SHANK2: variants seen among roughly 807,000 people sequenced by gnomAD.
SHANK2 encodes the protein SH3 and multiple ankyrin repeat domains 2.
Under a neutral mutation model 133.7 loss-of-function variants are expected in SHANK2, and 43 were observed. That is an observed-to-expected ratio of 0.32 (90% confidence interval 0.25 to 0.41). SHANK2 has a LOEUF of 0.41. Ranked by LOEUF, SHANK2 falls within the 10% of genes least tolerant of loss-of-function variation. SHANK2 has a pLI of 1.00. For missense variants in SHANK2, 1,994 were observed against 2,235.8 expected (o/e 0.89, Z 2.18); for synonymous variants, 1,017 against 952.8 (o/e 1.07, Z -1.24).
At position 70,899,006 on chromosome 11, in the gene SHANK2, A is replaced by G. The variant is rs185726357; in HGVS notation, c.1108-2439T>C. On this transcript the variant is annotated intron_variant, in intron 10 of 25. Coordinates refer to ENST00000601538, the MANE Select transcript of SHANK2 (RefSeq NM_012309.5). ...TCACAAATGTGTGCTACTCTTCAGG[A>G]AGAAGGCAAAATAACCCTGAAAGGA... Among the ~76,000 whole-genome samples, 308 of 152,286 alleles carry G rather than the reference A, an allele frequency of 2.0e-3. 1 individual carries two copies. The highest frequency in any genetic ancestry group is 3.4e-3 in the Non-Finnish European group (234 of 68,006).
At chr11:70,891,238 G>A (rs1164327331) in intron 11 of SHANK2, among the ~76,000 whole-genome samples, 2 of 152,208 alleles carry the variant, frequency 1.3e-5, no homozygotes, top group African/African-American at 4.8e-5. Context: ...CCAGAGGCCG[G>A]GCACGGTGGC....
intron 2 of SHANK2, among the ~76,000 whole-genome samples, chr11:71,210,210 G>GTATATATATATATATA (rs71049962): frequency 2.0e-3 from 106 of 53,972 alleles, no homozygotes; most frequent in African/African-American, 2.7e-3. Flanking sequence ...AAATCCACAG[G>GTATATATATATATATA]TATATATATA....
chr11:71,172,197 G>A (rs1167781247), intron 2 of SHANK2, among the ~76,000 whole-genome samples: 3 of 152,168 alleles, frequency 2.0e-5, no homozygotes, highest in East Asian at 3.8e-4. Flanking sequence ...ACATGCCACC[G>A]TCCTGCCAGC....
chr11:70,702,031 A>G (rs1346040940), intron 14 of SHANK2, among the ~76,000 whole-genome samples: 1 of 151,488 alleles, frequency 6.6e-6, no homozygotes, highest in Non-Finnish European at 1.5e-5. Flanking sequence ...CATTACCATC[A>G]TCATCACCAC....
intron 10 of SHANK2, among the ~76,000 whole-genome samples, chr11:70,907,006 G>A (rs1222232355): frequency 5.3e-5 from 8 of 152,190 alleles, no homozygotes; most frequent in African/African-American, 1.9e-4. Context: ...TGGTTGCTCC[G>A]GGACTTTACA....
At chr11:70,926,550 G>A (rs576722125) in intron 10 of SHANK2, among the ~76,000 whole-genome samples, 59 of 152,252 alleles carry the variant, frequency 3.9e-4, no homozygotes, top group Middle Eastern at 6.8e-3. Context: ...TCTCGCACTT[G>A]GGAACCCCAG....
chr11:71,235,232 TAAG>T (rs1214491138), intron 1 of SHANK2, among the ~76,000 whole-genome samples: 2 of 152,098 alleles, frequency 1.3e-5, no homozygotes, highest in East Asian at 1.9e-4. Flanking sequence ...CACAGGTGTC[TAAG>T]AAGGTGGGAA....
chr11:70,864,110 T>C (rs1340225508), intron 11 of SHANK2: 1 of 288,278 alleles, frequency 3.5e-6, no homozygotes, highest in African/African-American at 2.2e-5. Context: ...ACACCTTGCT[T>C]TCTTCCTTGA....
At chr11:70,891,366 G>C (rs1283923035) in intron 11 of SHANK2, among the ~76,000 whole-genome samples, 1 of 152,136 alleles carries the variant, frequency 6.6e-6, no homozygotes, top group Non-Finnish European at 1.5e-5. Context: ...GCCGGGGGTG[G>C]TGGCGGGCGC....
intron 2 of SHANK2, among the ~76,000 whole-genome samples, chr11:71,162,731 T>C (rs1217209509): frequency 6.6e-6 from 1 of 152,118 alleles, no homozygotes; most frequent in East Asian, 1.9e-4. Flanking sequence ...GATTACTGCT[T>C]CAAAACAGGG....
chr11:70,692,626 C>G (rs928327257), intron 15 of SHANK2, among the ~76,000 whole-genome samples: 1 of 152,212 alleles, frequency 6.6e-6, no homozygotes, highest in Non-Finnish European at 1.5e-5. Flanking sequence ...GAGATTCTCT[C>G]TAGGGAGAAG....
intron 8 of SHANK2, among the ~76,000 whole-genome samples, chr11:71,088,605 A>G (rs1684647976): frequency 1.3e-5 from 2 of 152,188 alleles, no homozygotes; most frequent in South Asian, 4.1e-4. Flanking sequence ...GACTCGAGAA[A>G]GATGTGGGTG....
At chr11:70,889,016 A>G (rs571663163) in intron 11 of SHANK2, among the ~76,000 whole-genome samples, 63 of 152,264 alleles carry the variant, frequency 4.1e-4, no homozygotes, top group African/African-American at 1.4e-3. Context: ...TCATGAAGCA[A>G]TGTGAGTTCC....
rs117354814 is a variant in SHANK2, at chr11:70,616,116, T to C, written c.2061+43712A>G. On this transcript the variant is annotated intron_variant, in intron 17 of 25. Coordinates refer to ENST00000601538, the MANE Select transcript of SHANK2 (RefSeq NM_012309.5). ...CCTTCCCTGCATTCAGGGCCTCAGC[T>C]GCTCATCAGGATGGGGGGCACATGA... Among the ~76,000 whole-genome samples, 17 of 152,328 alleles carry C rather than the reference T, an allele frequency of 1.1e-4. No individual in the cohort carries two copies. In the East Asian group the frequency reaches 2.9e-3, roughly 26 times the overall value.
At position 70,739,816 on chromosome 11, in the gene SHANK2, A is replaced by G. The variant is rs1269853797; in HGVS notation, c.1778-41053T>C. Reference sequence around the variant, plus strand: ...TCCAGCATGACAGTGTCTTTGTAAGACAAGGAGAGCCAGACACACGAGGCA... The same window carrying G: ...TCCAGCATGACAGTGTCTTTGTAAGGCAAGGAGAGCCAGACACACGAGGCA... On this transcript the variant is annotated intron_variant, in intron 14 of 25. Coordinates refer to ENST00000601538, the MANE Select transcript of SHANK2 (RefSeq NM_012309.5). The surrounding 1 kb of genome is among the most constrained non-coding windows in gnomAD (Gnocchi z 4.3). Among the ~76,000 whole-genome samples the G allele has an allele frequency of 1.3e-5, 2 of 152,224 alleles. No individual in the cohort carries two copies. Among genetic ancestry groups the G allele is most frequent in the African/African-American group, 2.4e-5 (1 of 41,454 alleles).
chr11:70,798,584 T>C (rs1947972152), intron 13 of SHANK2, 28 bp from the exon 14 acceptor site: 1 of 717,954 alleles, frequency 1.4e-6, no homozygotes, highest in Non-Finnish European at 2.6e-6. Context: ...GGAGAGGTGT[T>C]AGCAGGGGGG....
intron 11 of SHANK2, among the ~76,000 whole-genome samples, chr11:70,874,522 A>G (rs1555070811): frequency 6.6e-6 from 1 of 152,124 alleles, no homozygotes; most frequent in Non-Finnish European, 1.5e-5. Flanking sequence ...AATTATTTTC[A>G]TTAACAGTCA....
chr11:71,074,223 G>C (rs1040763140), intron 9 of SHANK2, among the ~76,000 whole-genome samples: 1 of 152,214 alleles, frequency 6.6e-6, no homozygotes, highest in African/African-American at 2.4e-5. Flanking sequence ...GCTGGGGTGC[G>C]TGCCACTGCA....
At chr11:70,676,172 C>G (rs1944902265) in intron 15 of SHANK2, among the ~76,000 whole-genome samples, 1 of 152,272 alleles carries the variant, frequency 6.6e-6, no homozygotes, top group Non-Finnish European at 1.5e-5. Context: ...AGTCTTCTTT[C>G]TCCACCACAC....
Sources: gnomAD v4.1 joint callset for allele counts (sites outside exome capture counted in the v4.1 genomes callset) on GRCh38, gnomAD v4.1.1 for gene constraint, Gnocchi (gnomAD v3.1) non-coding constraint, MANE v1.5 for transcripts, NCBI Gene and HGNC (gene_info 2026-07-23, HGNC 2026-07-21) for gene names.